The following CSMD1 variants were observed in gnomAD, a reference collection of about 807,000 sequenced individuals.
CSMD1 encodes CUB and Sushi multiple domains 1.
Under a neutral mutation model 417.5 loss-of-function variants are expected in CSMD1, and 213 were observed. The ratio of observed to expected loss-of-function variants is 0.51; its 90% CI spans 0.46 to 0.57. The LOEUF (loss-of-function observed/expected upper bound fraction) is 0.57. Ranked by LOEUF, CSMD1 falls within the 20% of genes least tolerant of loss-of-function variation. The pLI, the probability that CSMD1 is intolerant of heterozygous loss-of-function variation, is 0.00. For missense variants in CSMD1, 6,923 were observed against 4,529.7 expected (o/e 1.53, Z -15.17); for synonymous variants, 2,862 against 1,736.8 (o/e 1.65, Z -16.11).
At chr8:3,748,542 T>A (rs182773836) in intron 6 of CSMD1, among the ~76,000 whole-genome samples, 1 of 152,308 alleles carries the variant, frequency 6.6e-6, no homozygotes, top group Admixed American at 6.5e-5. Flanking sequence ...AGGTTCTAGA[T>A]AATGGTTGTT....
At chr8:4,888,490 G>A (rs1320342032) in intron 1 of CSMD1, among the ~76,000 whole-genome samples, 1 of 151,706 alleles carries the variant, frequency 6.6e-6, no homozygotes, top group Admixed American at 6.6e-5. Flanking sequence ...CATACAGAAG[G>A]ATAGACTGAT....
At chr8:3,378,463 C>A (rs1315446183) in intron 18 of CSMD1, among the ~76,000 whole-genome samples, 1 of 152,118 alleles carries the variant, frequency 6.6e-6, no homozygotes, top group African/African-American at 2.4e-5. Flanking sequence ...AATTTCAGGC[C>A]AATATCCCTG....
At chr8:4,611,260 T>G (rs1801152159) in intron 2 of CSMD1, among the ~76,000 whole-genome samples, 1 of 152,212 alleles carries the variant, frequency 6.6e-6, no homozygotes, top group Non-Finnish European at 1.5e-5. Flanking sequence ...ACTCTTCACT[T>G]AATCCTGTGT....
chr8:2,978,157 C>T (rs1805090711), intron 55 of CSMD1, among the ~76,000 whole-genome samples: 1 of 152,196 alleles, frequency 6.6e-6, no homozygotes, highest in Non-Finnish European at 1.5e-5. Context: ...TCAGGTCTCA[C>T]AGCACTCCCT....
intron 5 of CSMD1, among the ~76,000 whole-genome samples, chr8:3,793,645 T>G (rs762146955): frequency 6.6e-6 from 1 of 152,078 alleles, no homozygotes; most frequent in Non-Finnish European, 1.5e-5. Flanking sequence ...CCTCAATTGC[T>G]TGGATGATCT....
chr8:4,242,279 T>G (rs1482139392), intron 3 of CSMD1, among the ~76,000 whole-genome samples: 2 of 152,202 alleles, frequency 1.3e-5, no homozygotes, highest in East Asian at 3.9e-4. Flanking sequence ...TGCTTTACAG[T>G]GAAGGGCAGA....
intron 18 of CSMD1, among the ~76,000 whole-genome samples, chr8:3,371,550 T>C (rs566563666): frequency 6.6e-6 from 1 of 152,210 alleles, no homozygotes; most frequent in Admixed American, 6.5e-5. Flanking sequence ...CTAGGTAAGA[T>C]GAACTATCAT....
chr8:4,070,460 C>G (rs539146929), intron 3 of CSMD1, among the ~76,000 whole-genome samples: 27 of 152,116 alleles, frequency 1.8e-4, no homozygotes, highest in Admixed American at 3.9e-4. Flanking sequence ...CGGGTTCACA[C>G]CATTCTCCCA....
At chr8:3,853,693 G>A (rs746898247) in intron 5 of CSMD1, among the ~76,000 whole-genome samples, 4 of 151,820 alleles carry the variant, frequency 2.6e-5, no homozygotes, top group Admixed American at 2.6e-4. Context: ...TGTGCAGTTG[G>A]ATAAGCCTCA....
intron 3 of CSMD1, among the ~76,000 whole-genome samples, chr8:4,258,779 C>A (rs1803664817): frequency 6.6e-6 from 1 of 152,056 alleles, no homozygotes; most frequent in Admixed American, 6.5e-5. Flanking sequence ...GAATGTGTAA[C>A]CAGCTGAATA....
At chr8:3,226,343 G>A (rs1018468529) in intron 27 of CSMD1, among the ~76,000 whole-genome samples, 2 of 152,128 alleles carry the variant, frequency 1.3e-5, no homozygotes, top group African/African-American at 4.8e-5. Context: ...AGCACTTTGG[G>A]AGGCCAAGGT....
At chr8:3,357,791 C>T (rs1382320082) in intron 21 of CSMD1, among the ~76,000 whole-genome samples, 1 of 151,982 alleles carries the variant, frequency 6.6e-6, no homozygotes, top group Non-Finnish European at 1.5e-5. Context: ...AGATAACAGT[C>T]AAAATTTGCC....
intron 64 of CSMD1, among the ~76,000 whole-genome samples, chr8:2,955,082 T>C (rs1018302438): frequency 2.0e-5 from 3 of 152,246 alleles, no homozygotes; most frequent in African/African-American, 7.2e-5. Context: ...ATCGTTTCCA[T>C]GTGAATTGCT....
rs141094756 is a variant in CSMD1 at position 3,827,024 on chromosome 8, C to T, written c.819-72982G>A. On this transcript the variant is annotated intron_variant, in intron 5 of 69. Coordinates refer to ENST00000635120, the MANE Select transcript of CSMD1 (RefSeq NM_033225.6). ...CTTGAACTCCTGATATGAAGTGATC[C>T]TCCCATCTTGGCCTTTTGAAGTGTT... is the stretch of plus-strand genomic sequence containing the variant. Among the ~76,000 whole-genome samples, 1,194 of 152,218 alleles carry T rather than the reference C, an allele frequency of 7.8e-3. 14 individuals carry two copies. Among genetic ancestry groups the T allele is most frequent in the African/African-American group, 0.027 (1,135 of 41,520 alleles).
intron 21 of CSMD1, among the ~76,000 whole-genome samples, chr8:3,349,393 A>G (rs1179083047): frequency 6.6e-6 from 1 of 152,086 alleles, no homozygotes; most frequent in African/African-American, 2.4e-5. Flanking sequence ...CCCCCCAGTG[A>G]TTTGTGCACG....
chr8:4,535,236 C>T (rs1244119200), intron 2 of CSMD1, among the ~76,000 whole-genome samples: 1 of 152,104 alleles, frequency 6.6e-6, no homozygotes, highest in Non-Finnish European at 1.5e-5. Flanking sequence ...TACATTTTAA[C>T]AATTTTTAAA....
chr8:3,243,394 G>T (rs1042568046), intron 26 of CSMD1, among the ~76,000 whole-genome samples: 9 of 151,924 alleles, frequency 5.9e-5, no homozygotes, highest in African/African-American at 2.2e-4. Flanking sequence ...TCACCTGGGT[G>T]CAGGTGGGCT....
intron 1 of CSMD1, among the ~76,000 whole-genome samples, chr8:4,734,601 A>G (rs1281386191): frequency 6.6e-6 from 1 of 152,238 alleles, no homozygotes; most frequent in Admixed American, 6.5e-5. Flanking sequence ...ACAAAATACA[A>G]CTATACTGTA....
At chr8:3,675,542 G>A (rs182812475) in intron 7 of CSMD1, among the ~76,000 whole-genome samples, 163 of 152,326 alleles carry the variant, frequency 1.1e-3, no homozygotes, top group African/African-American at 3.7e-3. Context: ...GTGTTTGGAA[G>A]TGATGCTTTC....
Sources: gnomAD v4.1 joint callset for allele counts (sites outside exome capture counted in the v4.1 genomes callset) on GRCh38, gnomAD v4.1.1 for gene constraint, MANE v1.5 for transcripts, NCBI Gene and HGNC (gene_info 2026-07-23, HGNC 2026-07-21) for gene names.